The following FHIP2A variants were observed in gnomAD, a reference collection of about 807,000 sequenced individuals.
FHIP2A encodes the protein FHF complex subunit HOOK interacting protein 2A, also known as family with sequence similarity 160 member B1.
Under a neutral mutation model 93.5 loss-of-function variants are expected in FHIP2A, and 46 were observed. That is an observed-to-expected ratio of 0.49 (90% CI 0.39 to 0.63). FHIP2A has a LOEUF of 0.63. Among genes scored for constraint, FHIP2A ranks in the 20% least tolerant of loss-of-function variants. FHIP2A has a pLI of 0.00. For synonymous variants in FHIP2A, 332 were observed against 326.5 expected (o/e 1.02, Z -0.18); for missense variants, 769 against 909.7 (o/e 0.85, Z 1.99).
chr10:114,896,715 G>A (rs2084003166), intron 16 of FHIP2A, among the ~76,000 whole-genome samples: 1 of 152,140 alleles, frequency 6.6e-6, no homozygotes, highest in South Asian at 2.1e-4. Flanking sequence ...ATTGATTGAT[G>A]TCTCCTGTCT....
chr10:114,869,869 A>G lies in FHIP2A; in HGVS notation c.2192+8535A>G, dbSNP rs1179224884. ...CTTAATGGTTGGAGTCTTTTCATGC[A>G]TAGCATATAATATAATTTATATTCA... On this transcript the variant is annotated intron_variant, in intron 16 of 16. Coordinates refer to the FHIP2A transcript ENST00000369250. 3.3e-5 allele frequency among the ~76,000 whole-genome samples: 5 copies of G among 152,370 alleles called. No individual in the cohort carries two copies. The East Asian group carries it at 9.6e-4, about 29-fold the overall frequency.
At chr10:114,890,051 A>G (rs2083962873) in intron 16 of FHIP2A, among the ~76,000 whole-genome samples, 1 of 151,782 alleles carries the variant, frequency 6.6e-6, no homozygotes, top group Admixed American at 6.6e-5. Context: ...TTTTTGAGAC[A>G]GAGTTTCACT....
At position 114,863,859 on chromosome 10, in the gene FHIP2A, G is replaced by GC. The variant is rs1191119922; in HGVS notation, c.*2321dup. On this transcript the variant is annotated 3_prime_UTR_variant, in exon 17 of 17. Transcript: ENST00000369248. ...ATAGCAAGTTCCAAAGTGAATTTCA[G>GC]CCTTGCTTCACATTTGTATCAATAA... 4 of 1,069,816 alleles carry GC rather than the reference G, an allele frequency of 3.7e-6. No homozygotes were observed. Among genetic ancestry groups the GC allele is most frequent in the Middle Eastern group, 6.7e-4 (2 of 3,002 alleles). The allele number at this position is 1,069,816 out of a possible 1,614,324, so 66.3% of individuals were successfully genotyped here.
intron 16 of FHIP2A, among the ~76,000 whole-genome samples, chr10:114,872,447 C>T (rs1287541304): frequency 6.6e-6 from 1 of 152,066 alleles, no homozygotes; most frequent in East Asian, 1.9e-4. Flanking sequence ...ATGAGATTGG[C>T]CCTGTGACTA....
chr10:114,891,219 A>ACAACAAATATATAT (rs1041197298), intron 16 of FHIP2A, among the ~76,000 whole-genome samples: 1 of 138,466 alleles, frequency 7.2e-6, no homozygotes, highest in Non-Finnish European at 1.6e-5. Context: ...AACAACAACA[A>ACAACAAATATATAT]ATATATATAT....
chr10:114,832,131 C>G (rs2083611453), intron 2 of FHIP2A, among the ~76,000 whole-genome samples: 2 of 152,112 alleles, frequency 1.3e-5, no homozygotes, highest in Admixed American at 6.5e-5. Flanking sequence ...TAAAACTTCA[C>G]ATTTTTAAGA....
At chr10:114,847,451 G>A (rs1240135557) in intron 12 of FHIP2A, among the ~76,000 whole-genome samples, 1 of 151,678 alleles carries the variant, frequency 6.6e-6, no homozygotes, top group African/African-American at 2.4e-5. Context: ...ACGTCACCCA[G>A]CTAATTTTTG....
rs1235188428 is a variant in FHIP2A, at chr10:114,846,329, C to T, written c.1360C>T (p.His454Tyr). 1 of 1,614,010 alleles carries T rather than the reference C, an allele frequency of 6.2e-7. No homozygotes were observed. The highest frequency in any genetic ancestry group is 1.3e-5 in the African/African-American group (1 of 74,924). The change falls in exon 10 of 17, where the codon CAT becomes TAT. Residue 454 changes from histidine (H) to tyrosine (Y), a missense_variant. Transcript: ENST00000369248. ...LAEISRHPLR[H>Y]RLIEHCDHIS... ...AGAAATCAGCAGACATCCTTTAAGGCATAGGTTAATTGAACATTGTGATCA... is the reference window on the plus strand; with the variant it reads ...AGAAATCAGCAGACATCCTTTAAGGTATAGGTTAATTGAACATTGTGATCA...
chr10:114,841,214 C>T (rs1040587120), intron 5 of FHIP2A, among the ~76,000 whole-genome samples: 3 of 151,900 alleles, frequency 2.0e-5, no homozygotes, highest in South Asian at 2.1e-4. Context: ...TTATTTGAGA[C>T]GCCTCTCCCA....
intron 1 of FHIP2A, among the ~76,000 whole-genome samples, chr10:114,825,297 A>T (rs1487919077): frequency 6.6e-6 from 1 of 152,134 alleles, no homozygotes. Context: ...AAGTGCCAGG[A>T]TTATAGGGAT....
At chr10:114,860,590 G>C (rs543467787) in intron 14 of FHIP2A, among the ~76,000 whole-genome samples, 159 bp from the exon 15 acceptor site, 3 of 152,176 alleles carry the variant, frequency 2.0e-5, no homozygotes, top group African/African-American at 7.2e-5. Context: ...AACCTCAGGT[G>C]ATCCGCCCGC....
intron 11 of FHIP2A, 71 bp from the exon 12 acceptor site, chr10:114,847,016 TAGC>T: frequency 7.8e-7 from 1 of 1,285,272 alleles, no homozygotes. Flanking sequence ...TCTAAGAACA[TAGC>T]AGAGAATCTT....
chr10:114,848,153 C>T (rs2083713187), intron 12 of FHIP2A, among the ~76,000 whole-genome samples: 2 of 151,760 alleles, frequency 1.3e-5, no homozygotes, highest in Non-Finnish European at 2.9e-5. Flanking sequence ...CTCTCTTTTG[C>T]TTCCCTTGCA....
Position 114,863,224 on chromosome 10 carries a change from A to C in FHIP2A, c.*1684A>C. The C allele has an allele frequency of 1.0e-6, 1 of 983,324 alleles. No individual in the cohort carries two copies. 60.9% of individuals were successfully genotyped at this position (983,324 alleles called of 1,614,324 possible). A position where few individuals can be genotyped will look rare whatever the true frequency, so the allele number is the denominator to read the frequency against. On this transcript the variant is annotated 3_prime_UTR_variant, in exon 17 of 17. Transcript: ENST00000369248. ...CGTAATTTTCTTTAAATCATTTTGAATGATGTGAAGGCATTCAGTTTGCTG... is the reference window on the plus strand; with the variant it reads ...CGTAATTTTCTTTAAATCATTTTGACTGATGTGAAGGCATTCAGTTTGCTG...
chr10:114,872,799 T>C (rs1048071518), intron 16 of FHIP2A, among the ~76,000 whole-genome samples: 1 of 152,162 alleles, frequency 6.6e-6, no homozygotes, highest in South Asian at 2.1e-4. Context: ...GCAATTCCCA[T>C]TGAAAAGATC....
chr10:114,863,927 A>T lies in FHIP2A; in HGVS notation c.*2387A>T, dbSNP rs1275232199. On this transcript the variant is annotated 3_prime_UTR_variant, in exon 17 of 17. Transcript: ENST00000369248. ...AACTTTCTAACAATATAGTCTTTGG[A>T]TTTGTTTTTAGTTATGAGCCGCATT... The T allele has an allele frequency of 2.8e-6, 3 of 1,069,696 alleles. No homozygotes were observed. The highest frequency in any genetic ancestry group is 3.4e-6 in the Non-Finnish European group (3 of 879,808). The allele number at this position is 1,069,696 out of a possible 1,614,324, so 66.3% of individuals were successfully genotyped here. A position where few individuals can be genotyped will look rare whatever the true frequency, so the allele number is the denominator to read the frequency against.
chr10:114,898,766 G>A (rs2084012917), intron 16 of FHIP2A, among the ~76,000 whole-genome samples: 1 of 152,070 alleles, frequency 6.6e-6, no homozygotes, highest in South Asian at 2.1e-4. Flanking sequence ...ATTTCACAGG[G>A]TTATTATGAT....
intron 14 of FHIP2A, 105 bp from the exon 15 acceptor site, chr10:114,860,644 G>T: frequency 1.1e-6 from 1 of 951,410 alleles, no homozygotes. Context: ...GAGCCACTGG[G>T]CCTGGCCAGA....
chr10:114,862,353 C>G lies in FHIP2A; in HGVS notation c.*813C>G. ...AAGTAACATGTACTGGGTTGAGAAC[C>G]TTTTTCCCCCCTCTCCCTCTCAGAA... is the stretch of plus-strand genomic sequence containing the variant. On this transcript the variant is annotated 3_prime_UTR_variant, in exon 17 of 17. Transcript: ENST00000369248. 1 of 987,204 alleles carries G rather than the reference C, an allele frequency of 1.0e-6. No homozygotes were observed. The highest frequency in any genetic ancestry group is 1.2e-6 in the Non-Finnish European group (1 of 829,990). 61.2% of individuals were successfully genotyped at this position (987,204 alleles called of 1,614,324 possible).
Sources: allele counts gnomAD v4.1 joint callset (sites outside exome capture counted in the v4.1 genomes callset), GRCh38; gene constraint gnomAD v4.1.1; transcripts MANE v1.5; gene names NCBI Gene and HGNC (gene_info 2026-07-23, HGNC 2026-07-21).